Variants in HAAO observed in about 807,000 individuals in gnomAD.
The protein encoded by HAAO is 3-hydroxyanthranilate 3,4-dioxygenase, also known as 3-hydroxyanthranilate oxygenase.
HAAO carries 49 observed loss-of-function variants against 46.2 expected under a neutral mutation model. The observed-to-expected ratio is 1.06, with a 90% CI of 0.84 to 1.34. The LOEUF is 1.34. HAAO is among the 40% of genes most tolerant of loss of function. The pLI, the probability that HAAO is intolerant of heterozygous loss-of-function variation, is 0.00. For missense variants in HAAO, 408 were observed against 364.5 expected (o/e 1.12, Z -0.97); for synonymous variants, 157 against 145.2 (o/e 1.08, Z -0.58).
intron 4 of HAAO, among the ~76,000 whole-genome samples, chr2:42,775,211 C>T (rs1216822566): frequency 7.7e-6 from 1 of 130,458 alleles, no homozygotes; most frequent in East Asian, 2.3e-4. Flanking sequence ...TGCACCACTA[C>T]ACTTCAGCCT....
At chr2:42,783,996 T>G (rs1015735593) in intron 2 of HAAO, 129 bp from the exon 3 acceptor site, 14 of 1,488,190 alleles carry the variant, frequency 9.4e-6, no homozygotes, top group Non-Finnish European at 1.3e-5. Context: ...GATGGGCAGC[T>G]CCGTCACTTC....
At chr2:42,769,642 A>T in intron 7 of HAAO, 71 bp downstream of exon 7, 1 of 1,296,660 alleles carries the variant, frequency 7.7e-7, no homozygotes, top group Non-Finnish European at 1.1e-6. Context: ...AGAGGCAGTG[A>T]GAGAGAGACT....
chr2:42,780,834 A>G (rs12988049), intron 4 of HAAO, among the ~76,000 whole-genome samples: 119,168 of 148,774 alleles, frequency 0.8, 48,066 homozygotes, highest in Middle Eastern at 0.93. Flanking sequence ...TTGGGAGGCC[A>G]AGGCGGGTGG....
intron 4 of HAAO, among the ~76,000 whole-genome samples, chr2:42,781,554 G>C (rs1201494772): frequency 2.6e-5 from 4 of 152,140 alleles, no homozygotes; most frequent in Non-Finnish European, 5.9e-5. Context: ...TTCCATCAAA[G>C]CCAATTTAAA....
At chr2:42,776,690 T>C (rs1671602710) in intron 4 of HAAO, among the ~76,000 whole-genome samples, 1 of 150,758 alleles carries the variant, frequency 6.6e-6, no homozygotes, top group Non-Finnish European at 1.5e-5. Flanking sequence ...TGGAGTGCAG[T>C]GGCGTGATCT....
At chr2:42,786,228 A>G (rs1305696693) in intron 2 of HAAO, among the ~76,000 whole-genome samples, 1 of 152,182 alleles carries the variant, frequency 6.6e-6, no homozygotes, top group Non-Finnish European at 1.5e-5. Flanking sequence ...TCCCCTGCTC[A>G]GAGGTCTTCC....
intron 4 of HAAO, among the ~76,000 whole-genome samples, chr2:42,780,496 G>A (rs183929761): frequency 4.6e-5 from 7 of 151,538 alleles, no homozygotes; most frequent in East Asian, 4.0e-4. Context: ...GTGAGCCACC[G>A]CGCCCGGCGA....
chr2:42,790,124 C>T (rs1672679309), intron 1 of HAAO, among the ~76,000 whole-genome samples: 1 of 152,096 alleles, frequency 6.6e-6, no homozygotes, highest in Admixed American at 6.5e-5. Flanking sequence ...TTCTGAGTGT[C>T]CTGTCCTGTG....
rs1291869178 is a variant in HAAO, at chr2:42,770,550, A to G, written c.383T>C (p.Phe128Ser). 13 of 1,553,078 alleles carry G rather than the reference A, an allele frequency of 8.4e-6. No homozygotes were observed. In the Admixed American group the frequency reaches 2.3e-4, roughly 28 times the overall value. The stretch of plus-strand genomic sequence containing the variant: ...GTCCTTGCAGTAGAACCACTTCTCA[A>G]ACAGAACGTCCATGGTGTCGCCCAC... ...YYVGDTMDVL[F>S]EKWFYCKDLG... The change falls in exon 5 of 10, where the codon TTT becomes TCT. Residue 128 changes from phenylalanine to serine, a missense_variant. Coordinates refer to ENST00000294973, the MANE Select transcript of HAAO (RefSeq NM_012205.3).
In HAAO at chr2:42,783,949, C is replaced by T. The variant is rs143292776; in HGVS notation, c.160-82G>A. The T allele has an allele frequency of 3.3e-4, 512 of 1,544,310 alleles. 1 individual carries two copies. The highest frequency in any genetic ancestry group is 2.0e-3 in the Middle Eastern group (12 of 5,936). On this transcript the variant is annotated intron_variant, in intron 2 of 9. Transcript: ENST00000294973. ...CACTGCCCAGGCCCTGAATTCTGAC[C>T]GGGAAACCTGAGAAACTTTCTGAAG...
chr2:42,783,850 CT>C lies in HAAO; in HGVS notation c.176del (p.Glu59GlyfsTer55), dbSNP rs1558672306. Reference sequence around the variant, plus strand: ...CCAGGACTCGGAGAACCATGTCTCCCTCCAGCTGGTAAAATACCTGTGGGAC... The same window carrying C: ...CCAGGACTCGGAGAACCATGTCTCCCCCAGCTGGTAAAATACCTGTGGGAC... ...EEGEEVFYQL[E>X]GDMVLRVLEQ... is the part of the protein sequence containing the mutation. On this transcript the variant is annotated frameshift_variant, in exon 3 of 10. Coordinates refer to ENST00000294973, the MANE Select transcript of HAAO (RefSeq NM_012205.3). LOFTEE classifies it high-confidence loss of function. The C allele has an allele frequency of 1.9e-6, 3 of 1,611,530 alleles. No individual in the cohort carries two copies. Among genetic ancestry groups the C allele is most frequent in the Admixed American group, 1.7e-5 (1 of 59,680 alleles).
chr2:42,792,317 C>A, intron 1 of HAAO, 140 bp downstream of exon 1: 1 of 508,378 alleles, frequency 2.0e-6, no homozygotes, highest in South Asian at 2.8e-5. Flanking sequence ...CTGTCTCCAT[C>A]TTCCCCCAAG....
rs764278952 is a variant in HAAO, at chr2:42,783,300, C to G, written c.350+14G>C. The stretch of plus-strand genomic sequence containing the variant: ...TTGCCCTTTCTCTGCCCCAGCCCTC[C>G]AGACAGAATTTACCTGAGCCCATCT... On this transcript the variant is annotated intron_variant, in intron 4 of 9. Transcript: ENST00000294973. The G allele has an allele frequency of 4.5e-5, 69 of 1,531,664 alleles. No individual in the cohort carries two copies. The highest frequency in any genetic ancestry group is 5.8e-5 in the Non-Finnish European group (64 of 1,108,280). 94.9% of individuals were successfully genotyped at this position (1,531,664 alleles called of 1,614,324 possible).
At chr2:42,770,400 T>C (rs577869770) in intron 5 of HAAO, 93 bp downstream of exon 5, 2 of 1,048,460 alleles carry the variant, frequency 1.9e-6, no homozygotes, top group South Asian at 3.1e-5. Flanking sequence ...GGCCAGGATC[T>C]CCACCCTGGG....
Position 42,770,604 on chromosome 2 carries a change from A to G in HAAO, c.351-22T>C, listed in dbSNP as rs527397205. The G allele has an allele frequency of 6.5e-5, 97 of 1,497,580 alleles. 2 individuals carry two copies. In the African/African-American group the frequency reaches 9.3e-4, roughly 14 times the overall value. 92.8% of individuals were successfully genotyped at this position (1,497,580 alleles called of 1,614,324 possible). A position where few individuals can be genotyped will look rare whatever the true frequency, so the allele number is the denominator to read the frequency against. On this transcript the variant is annotated intron_variant, in intron 4 of 9. Coordinates refer to ENST00000294973, the MANE Select transcript of HAAO (RefSeq NM_012205.3). ...GTACCTGCCAGAGCAGAGGACAGGCAACCCTGCTGTCCCCATCTGGGTGGC... is the reference window on the plus strand; with the variant it reads ...GTACCTGCCAGAGCAGAGGACAGGCGACCCTGCTGTCCCCATCTGGGTGGC...
At position 42,788,509 on chromosome 2, in the gene HAAO, G is replaced by A. The variant is rs758628600; in HGVS notation, c.159+20C>T. On this transcript the variant is annotated intron_variant, in intron 2 of 9. Coordinates refer to ENST00000294973, the MANE Select transcript of HAAO (RefSeq NM_012205.3). ...CTCCTTGCCCGCAGGCCTAGATCCA[G>A]GGAGACCAGTCAAACCTACCTCTTC... The A allele has an allele frequency of 1.3e-6, 2 of 1,530,680 alleles. No homozygotes were observed. Among genetic ancestry groups the A allele is most frequent in the Non-Finnish European group, 9.1e-7 (1 of 1,104,782 alleles). 94.8% of individuals were successfully genotyped at this position (1,530,680 alleles called of 1,614,324 possible). A position where few individuals can be genotyped will look rare whatever the true frequency, so the allele number is the denominator to read the frequency against.
At position 42,786,067 on chromosome 2, in the gene HAAO, G is replaced by C. The variant is rs562750816; in HGVS notation, c.160-2200C>G. Among the ~76,000 whole-genome samples the C allele has an allele frequency of 1.3e-4, 18 of 135,344 alleles. No homozygotes were observed. The East Asian group carries it at 4.0e-3, about 30-fold the overall frequency. 88.8% of individuals were successfully genotyped at this position (135,344 alleles called of 152,430 possible). Reference sequence around the variant, plus strand: ...TGTGTGTGTGTGTGTGTGTGTGTGTGTGTCTAGGGACCTTTCACAGTGAGG... The same window carrying C: ...TGTGTGTGTGTGTGTGTGTGTGTGTCTGTCTAGGGACCTTTCACAGTGAGG... On this transcript the variant is annotated intron_variant, in intron 2 of 9. Transcript: ENST00000294973.
chr2:42,783,329 T>C lies in HAAO; in HGVS notation c.335A>G (p.Glu112Gly), dbSNP rs200550819. Residue 112 changes from glutamate (E) to glycine (G), a missense_variant, in exon 4 of 10, where the codon GAG becomes GGG. Coordinates refer to ENST00000294973, the MANE Select transcript of HAAO (RefSeq NM_012205.3). ...CAGAATTTACCTGAGCCCATCTAGC[T>C]CGGTCTCCAGCCGCCTTCGCTCAAC... ...LVVERRRLET[E>G]LDGLRYYVGD... 1.9e-6 allele frequency: 3 copies of C among 1,609,358 alleles called. No individual in the cohort carries two copies. The East Asian group carries it at 6.7e-5, about 36-fold the overall frequency.
chr2:42,787,538 T>G (rs1196315130), intron 2 of HAAO, among the ~76,000 whole-genome samples: 1 of 151,772 alleles, frequency 6.6e-6, no homozygotes, highest in Admixed American at 6.6e-5. Flanking sequence ...GCGTGAGAGG[T>G]GAGGAGTTGG....
Sources: gnomAD v4.1 joint callset for allele counts (sites outside exome capture counted in the v4.1 genomes callset) on GRCh38, gnomAD v4.1.1 for gene constraint, MANE v1.5 for transcripts, NCBI Gene and HGNC (gene_info 2026-07-23, HGNC 2026-07-21) for gene names.